Variants in CNTNAP4 observed in about 807,000 individuals in gnomAD.
The protein encoded by CNTNAP4 is contactin associated protein family member 4, also known as contactin-associated protein-like 4.
CNTNAP4 carries 98 observed loss-of-function variants against 148.4 expected under a neutral mutation model. The observed-to-expected ratio is 0.66, with a 90% confidence interval of 0.56 to 0.78. The LOEUF (loss-of-function observed/expected upper bound fraction) is 0.78. CNTNAP4 is among the 30% of genes least tolerant of loss of function. The probability of loss-of-function intolerance (pLI) is 0.00; values close to 1 mark genes in which losing one functional copy is unlikely to be tolerated. For missense variants in CNTNAP4, 1,935 were observed against 1,565.6 expected (o/e 1.24, Z -3.98); for synonymous variants, 730 against 565.1 (o/e 1.29, Z -4.14).
At chr16:76,378,784 C>A (rs2015684635) in intron 3 of CNTNAP4, among the ~76,000 whole-genome samples, 1 of 152,156 alleles carries the variant, frequency 6.6e-6, no homozygotes. Context: ...GTCTGTCCTC[C>A]ATGTCAGTGA....
At position 76,452,764 on chromosome 16, in the gene CNTNAP4, C is replaced by G; in HGVS notation, c.1328C>G (p.Thr443Arg). ...CCAGGAAAATTACCCAGTGACATCACAGCAGGTAATAAATGTATTCCCTGG... is the reference window on the plus strand; with the variant it reads ...CCAGGAAAATTACCCAGTGACATCAGAGCAGGTAATAAATGTATTCCCTGG... Reference protein sequence around the residue: ...YQPGKLPSDITAGVELNDGQW... With the variant: ...YQPGKLPSDIRAGVELNDGQW... The change falls in exon 8 of 24, where the codon ACA (threonine) becomes AGA (arginine). Residue 443 changes from threonine (T) to arginine (R), a missense_variant. Thr to Arg is a moderately conservative substitution (Grantham distance 71, BLOSUM62 -1). Coordinates refer to ENST00000611870, the MANE Select transcript of CNTNAP4 (RefSeq NM_033401.5). 1 of 1,574,628 alleles carries G rather than the reference C, an allele frequency of 6.4e-7. No homozygotes were observed. The highest frequency in any genetic ancestry group is 8.6e-7 in the Non-Finnish European group (1 of 1,160,154).
At chr16:76,477,177 A>G (rs71394261) in intron 11 of CNTNAP4, among the ~76,000 whole-genome samples, 16,601 of 152,150 alleles carry the variant, frequency 0.11, 1,199 homozygotes, top group Middle Eastern at 0.17. Context: ...AGCCTGGGAT[A>G]ACAACCAATA....
chr16:76,474,249 C>A (rs1185645769), intron 10 of CNTNAP4, among the ~76,000 whole-genome samples: 2 of 152,112 alleles, frequency 1.3e-5, no homozygotes, highest in African/African-American at 4.8e-5. Flanking sequence ...AGGGGTGACT[C>A]CCAGGTCCTT....
intron 11 of CNTNAP4, 102 bp from the exon 12 acceptor site, chr16:76,479,317 T>C: frequency 2.8e-6 from 3 of 1,058,148 alleles, no homozygotes; most frequent in Non-Finnish European, 2.7e-6. Flanking sequence ...TGGTCAGTAA[T>C]GTACATTTTA....
intron 14 of CNTNAP4, among the ~76,000 whole-genome samples, chr16:76,497,223 T>C (rs12185204): frequency 0.2 from 30,021 of 152,184 alleles, 3,268 homozygotes; most frequent in Admixed American, 0.32. Flanking sequence ...CATATGGATT[T>C]ACAATATATT....
At chr16:76,556,063 A>G (rs951763186) in intron 23 of CNTNAP4, among the ~76,000 whole-genome samples, 2 of 152,204 alleles carry the variant, frequency 1.3e-5, no homozygotes, top group Admixed American at 6.5e-5. Context: ...TGTAATAATA[A>G]TTAACCCATC....
At position 76,508,976 on chromosome 16, in the gene CNTNAP4, C is replaced by T. The variant is rs1346536137; in HGVS notation, c.2365+10282C>T. ...CCATGTTAGCCAGGATGGTCTCGAT[C>T]TCCTGACCTTGTGATCCACCCGCCT... On this transcript the variant is annotated intron_variant, in intron 15 of 23. Coordinates refer to ENST00000611870, the MANE Select transcript of CNTNAP4 (RefSeq NM_033401.5). Among the ~76,000 whole-genome samples, 3 of 95,868 alleles carry T rather than the reference C, an allele frequency of 3.1e-5. 1 individual carries two copies. The highest frequency in any genetic ancestry group is 7.8e-5 in the African/African-American group (3 of 38,328). The allele number at this position is 95,868 out of a possible 152,430, so 62.9% of individuals were successfully genotyped here.
chr16:76,312,673 C>T (rs923884398), intron 1 of CNTNAP4, among the ~76,000 whole-genome samples: 2 of 152,060 alleles, frequency 1.3e-5, no homozygotes, highest in Non-Finnish European at 2.9e-5. Context: ...ACACTTCAAA[C>T]CTAAAGAAAT....
intron 12 of CNTNAP4, 138 bp downstream of exon 12, chr16:76,479,676 A>G: frequency 1.2e-6 from 1 of 827,840 alleles, no homozygotes; most frequent in Non-Finnish European, 1.8e-6. Flanking sequence ...AAAACTGAAC[A>G]TAAATCTTAA....
At chr16:76,332,453 G>T (rs1221166000) in intron 2 of CNTNAP4, among the ~76,000 whole-genome samples, 2 of 151,954 alleles carry the variant, frequency 1.3e-5, no homozygotes, top group Non-Finnish European at 2.9e-5. Flanking sequence ...TTGTAGAGAT[G>T]GGATTTTGCC....
chr16:76,473,851 G>T (rs201032353), intron 10 of CNTNAP4, among the ~76,000 whole-genome samples: 3 of 120,446 alleles, frequency 2.5e-5, no homozygotes, highest in African/African-American at 6.8e-5. Flanking sequence ...TTTTTTTTTT[G>T]TTTTGTTTTG....
intron 3 of CNTNAP4, among the ~76,000 whole-genome samples, chr16:76,376,904 GGTTTGTGTGTGTGT>G (rs746503893): frequency 7.7e-5 from 8 of 103,926 alleles, no homozygotes; most frequent in Middle Eastern, 4.6e-3. Flanking sequence ...AAACTAACAA[GGTTTGTGTGTGTGT>G]GTGTGTGTGT....
Position 76,335,431 on chromosome 16 carries a change from A to G in CNTNAP4, c.196+18908A>G, listed in dbSNP as rs564815071. The stretch of plus-strand genomic sequence containing the variant: ...TCATTGTTCCCTTAAGGCTTAAAAC[A>G]TAAAGGATTTGAAAGGGAAGATGAG... On this transcript the variant is annotated intron_variant, in intron 2 of 23. Coordinates refer to ENST00000611870, the MANE Select transcript of CNTNAP4 (RefSeq NM_033401.5). Among the ~76,000 whole-genome samples the G allele has an allele frequency of 2.0e-5, 3 of 152,270 alleles. No homozygotes were observed. In the East Asian group the frequency reaches 5.8e-4, roughly 30 times the overall value.
chr16:76,553,050 T>C (rs529996650), intron 21 of CNTNAP4, among the ~76,000 whole-genome samples: 7 of 152,300 alleles, frequency 4.6e-5, no homozygotes, highest in South Asian at 2.1e-4. Flanking sequence ...TCTAGGGAGC[T>C]TACCATATCA....
intron 10 of CNTNAP4, among the ~76,000 whole-genome samples, chr16:76,471,674 C>A (rs373839268): frequency 6.6e-6 from 1 of 152,242 alleles, no homozygotes; most frequent in East Asian, 1.9e-4. Flanking sequence ...GAGCCCCAAG[C>A]CTGCCCTTTG....
intron 4 of CNTNAP4, among the ~76,000 whole-genome samples, chr16:76,439,672 G>A (rs1226198223): frequency 1.3e-5 from 2 of 152,132 alleles, no homozygotes; most frequent in African/African-American, 2.4e-5. Flanking sequence ...ACCTGCTGGT[G>A]TGTTGTTACT....
chr16:76,498,963 T>C lies in CNTNAP4; in HGVS notation c.2365+269T>C, dbSNP rs571981245. On this transcript the variant is annotated intron_variant, in intron 15 of 23. Coordinates refer to ENST00000611870, the MANE Select transcript of CNTNAP4 (RefSeq NM_033401.5). ...GAGATTTGGGAGATGAAAAGATGAGTTTTAGTGATGGTTACACAACAGTGT... is the reference window on the plus strand; with the variant it reads ...GAGATTTGGGAGATGAAAAGATGAGCTTTAGTGATGGTTACACAACAGTGT... 8.6e-5 allele frequency among the ~76,000 whole-genome samples: 13 copies of C among 152,032 alleles called. No homozygotes were observed. In the East Asian group the frequency reaches 2.5e-3, roughly 29 times the overall value.
chr16:76,294,954 A>G (rs28420872), intron 1 of CNTNAP4, among the ~76,000 whole-genome samples: 3,271 of 152,230 alleles, frequency 0.021, 120 homozygotes, highest in African/African-American at 0.073. Flanking sequence ...TTAAGACAAA[A>G]TGTATTGTAT....
chr16:76,532,753 T>C (rs1266376579), intron 17 of CNTNAP4, among the ~76,000 whole-genome samples: 1 of 151,974 alleles, frequency 6.6e-6, no homozygotes, highest in Non-Finnish European at 1.5e-5. Context: ...GGAAGAAATA[T>C]CCAACAAGGA....
Sources: gnomAD v4.1 joint callset for allele counts (sites outside exome capture counted in the v4.1 genomes callset) on GRCh38, gnomAD v4.1.1 for gene constraint, MANE v1.5 for transcripts, NCBI Gene and HGNC (gene_info 2026-07-23, HGNC 2026-07-21) for gene names.